NOS2: variants seen among roughly 807,000 people sequenced by gnomAD.
The protein encoded by NOS2 is nitric oxide synthase 2.
In NOS2, 96 loss-of-function variants were observed where a neutral mutation model predicts 136.0. The observed-to-expected ratio is 0.71, with a 90% CI of 0.60 to 0.84. The LOEUF is 0.84. Among genes scored for constraint, NOS2 ranks in the 40% least tolerant of loss-of-function variants. The pLI, the probability that NOS2 is intolerant of heterozygous loss-of-function variation, is 0.00. For missense variants in NOS2, 1,237 were observed against 1,496.9 expected (o/e 0.83, Z 2.87); for synonymous variants, 539 against 587.5 (o/e 0.92, Z 1.20).
chr17:27,757,618 G>C (rs1407599034), intron 26 of NOS2, among the ~76,000 whole-genome samples: 1 of 152,176 alleles, frequency 6.6e-6, no homozygotes, highest in Non-Finnish European at 1.5e-5. Flanking sequence ...CAGGAAGTGT[G>C]AGCTCTGAGA....
At chr17:27,773,369 C>T in intron 12 of NOS2, 126 bp from the exon 13 acceptor site, 1 of 687,332 alleles carries the variant, frequency 1.5e-6, no homozygotes, top group East Asian at 2.6e-5. Context: ...GGCCTGCGCC[C>T]CACCCCTGTC....
rs1460891855 is a variant in NOS2 at position 27,769,595 on chromosome 17, A to C, written c.1810-11T>G. On this transcript the variant is annotated splice_polypyrimidine_tract_variant and intron_variant, in intron 15 of 26. Transcript: ENST00000313735. ...CGATTTCTTCAGTTTCTAGAAAGAG[A>C]GGGAATGACAGAGTTCTCAAGCCAG... 1 of 1,608,188 alleles carries C rather than the reference A, an allele frequency of 6.2e-7. No homozygotes were observed. The highest frequency in any genetic ancestry group is 8.5e-7 in the Non-Finnish European group (1 of 1,174,702).
In NOS2 at chr17:27,769,112, C is replaced by A; in HGVS notation, c.1899G>T (p.Arg633=). ...CAATGTCATGAGCAAAGGCGCAGAA[C>A]CGAGGGTACATGCTGGAGCCGAGGC... The part of the protein sequence containing the change: ...VFGLGSSMYP[R]FCAFAHDIDQ... The change falls in exon 17 of 27, where the codon CGG becomes CGT. Residue 633 remains arginine, a synonymous_variant. Transcript: ENST00000313735. 6.2e-7 allele frequency: 1 copy of A among 1,612,828 alleles called. No homozygotes were observed. Among genetic ancestry groups the A allele is most frequent in the Non-Finnish European group, 8.5e-7 (1 of 1,179,850 alleles).
chr17:27,757,482 C>T (rs1026731670), intron 26 of NOS2, 129 bp from the exon 27 acceptor site: 2 of 757,484 alleles, frequency 2.6e-6, no homozygotes, highest in East Asian at 2.7e-5. Context: ...TTAGATTGTG[C>T]TTGAATCTGG....
At chr17:27,775,156 G>T (rs940197845) in intron 11 of NOS2, among the ~76,000 whole-genome samples, 1 of 152,220 alleles carries the variant, frequency 6.6e-6, no homozygotes, top group East Asian at 1.9e-4. Flanking sequence ...TGTGAAATGG[G>T]AGTGATATGA....
intron 2 of NOS2, among the ~76,000 whole-genome samples, chr17:27,796,917 T>C (rs781197646): frequency 1.1e-4 from 16 of 152,136 alleles, no homozygotes; most frequent in Non-Finnish European, 1.3e-4. Context: ...ACTGCCTGGT[T>C]TCAAAGTCCT....
At chr17:27,787,634 G>A in intron 5 of NOS2, 44 bp downstream of exon 5, 1 of 1,463,984 alleles carries the variant, frequency 6.8e-7, no homozygotes, top group East Asian at 2.3e-5. Flanking sequence ...AGGAGAGCAG[G>A]AGGAAGGGCA....
At position 27,795,048 on chromosome 17, in the gene NOS2, A is replaced by G. The variant is rs1386750329; in HGVS notation, c.110+3652T>C. 5.3e-5 allele frequency among the ~76,000 whole-genome samples: 8 copies of G among 151,804 alleles called. No individual in the cohort carries two copies. In the South Asian group the frequency reaches 1.5e-3, roughly 28 times the overall value. On this transcript the variant is annotated intron_variant, in intron 2 of 26. Transcript: ENST00000313735. Reference sequence around the variant, plus strand: ...TGCAGTCTCCCCAGCAGAGGCCTCTAGCACGGTCCCAGTACACCCACAACT... The same window carrying G: ...TGCAGTCTCCCCAGCAGAGGCCTCTGGCACGGTCCCAGTACACCCACAACT...
chr17:27,781,927 G>T, intron 7 of NOS2, 88 bp downstream of exon 7: 1 of 1,099,160 alleles, frequency 9.1e-7, no homozygotes, highest in Non-Finnish European at 1.4e-6. Context: ...AGCTGGAGAT[G>T]CCTCCCCTAG....
chr17:27,787,653 C>T (rs779758495), intron 5 of NOS2, 25 bp downstream of exon 5: 15 of 1,584,402 alleles, frequency 9.5e-6, no homozygotes, highest in African/African-American at 2.7e-5. Flanking sequence ...CAGGAGGCAG[C>T]GACCCTGCAG....
rs749113286 is a variant in NOS2, at chr17:27,780,787, C to A, written c.984G>T (p.Glu328Asp). ...LFEIPPDLVLEVAMEHPKYEW... is the reference protein window; with the variant it reads ...LFEIPPDLVLDVAMEHPKYEW... ...CTTACTTGGGATGTTCCATGGCCAC[C>A]TCAAGCACAAGGTCAGGTGGGATTT... Residue 328 changes from glutamate (E) to aspartate (D), a missense_variant, in exon 9 of 27, where the codon GAG becomes GAT. By Grantham distance (45) the Glu-to-Asp change is conservative. This residue lies in a region of NOS2 where 440 missense variants were observed against 545.4 expected (regional missense o/e 0.81). Transcript: ENST00000313735. 14 of 1,614,108 alleles carry A rather than the reference C, an allele frequency of 8.7e-6. No homozygotes were observed. The highest frequency in any genetic ancestry group is 8.5e-7 in the Non-Finnish European group (1 of 1,180,044).
intron 5 of NOS2, among the ~76,000 whole-genome samples, chr17:27,785,957 CAAAAAAAAA>C (rs1170004221): frequency 1.5e-4 from 6 of 39,802 alleles, no homozygotes; most frequent in African/African-American, 4.0e-4. Flanking sequence ...GACCGAGTCT[CAAAAAAAAA>C]AAAAAAAAAA....
intron 15 of NOS2, among the ~76,000 whole-genome samples, chr17:27,769,822 C>T (rs1908433111): frequency 1.3e-5 from 2 of 152,194 alleles, no homozygotes; most frequent in Admixed American, 6.5e-5. Context: ...TAATGGGGGA[C>T]CTGGAACAGC....
At chr17:27,778,279 G>A (rs966148214) in intron 11 of NOS2, among the ~76,000 whole-genome samples, 1 of 152,026 alleles carries the variant, frequency 6.6e-6, no homozygotes, top group Non-Finnish European at 1.5e-5. Context: ...AGCACAATGA[G>A]ATCTCTCCAT....
chr17:27,789,056 T>C, intron 3 of NOS2, 125 bp from the exon 4 acceptor site: 1 of 1,329,588 alleles, frequency 7.5e-7, no homozygotes, highest in South Asian at 1.5e-5. Flanking sequence ...ACGTCCCTCC[T>C]CTGTTTCCAG....
chr17:27,766,509 C>A lies in NOS2; in HGVS notation c.2246+1G>T, dbSNP rs369002962. ...CCACGAAGCCCTGCACTTTCCCTTA[C>A]CTGGATGTCGGACTTTGTAGATTCT... On this transcript the variant is annotated splice_donor_variant, in intron 19 of 26. Coordinates refer to ENST00000313735, the MANE Select transcript of NOS2 (RefSeq NM_000625.4). LOFTEE classifies it high-confidence loss of function. The A allele has an allele frequency of 6.2e-7, 1 of 1,613,022 alleles. No individual in the cohort carries two copies. Among genetic ancestry groups the A allele is most frequent in the Admixed American group, 1.7e-5 (1 of 60,000 alleles).
Position 27,760,177 on chromosome 17 carries a change from T to C in NOS2, c.3012A>G (p.Gly1004=). The C allele has an allele frequency of 6.4e-7, 1 of 1,562,088 alleles. No homozygotes were observed. Among genetic ancestry groups the C allele is most frequent in the African/African-American group, 1.4e-5 (1 of 73,220 alleles). The part of the protein sequence containing the change: ...QQRLHDSQHK[G]VRGGRMTLVF... The stretch of plus-strand genomic sequence containing the variant: ...CCAAGGTCATGCGGCCTCCCCGCAC[T>C]CCTGCAGGAGTCCCGGGCTGTTGTT... Residue 1004 remains glycine, a splice_region_variant and synonymous_variant, in exon 25 of 27, where the codon GGA becomes GGG. Coordinates refer to ENST00000313735, the MANE Select transcript of NOS2 (RefSeq NM_000625.4).
Position 27,762,940 on chromosome 17 carries a change from G to A in NOS2, c.2658C>T (p.Phe886=), listed in dbSNP as rs769709194. The change falls in exon 22 of 27, where the codon TTC becomes TTT. Residue 886 remains phenylalanine, a synonymous_variant. Coordinates refer to ENST00000313735, the MANE Select transcript of NOS2 (RefSeq NM_000625.4). ...AGCCAGCAGACACCCGCAGGGACGG[G>A]AACTCCTCTAGCACCTCCAGGAATG... ...SPTFLEVLEE[F]PSLRVSAGFL... 3.1e-6 allele frequency: 5 copies of A among 1,606,200 alleles called. No individual in the cohort carries two copies. In the Admixed American group the frequency reaches 6.8e-5, roughly 22 times the overall value.
chr17:27,761,028 C>G, intron 23 of NOS2, 116 bp downstream of exon 23: 1 of 1,041,866 alleles, frequency 9.6e-7, no homozygotes, highest in African/African-American at 1.6e-5. Flanking sequence ...ACCCCAGTGC[C>G]TTCTTTATGG....
Sources: gnomAD v4.1 joint callset for allele counts (sites outside exome capture counted in the v4.1 genomes callset) on GRCh38, gnomAD v4.1.1 for gene constraint, gnomAD v4.1.1 regional missense constraint, MANE v1.5 for transcripts, NCBI Gene and HGNC (gene_info 2026-07-23, HGNC 2026-07-21) for gene names.